The following GRIN2A variants were observed in gnomAD, a reference collection of about 807,000 sequenced individuals.
GRIN2A encodes glutamate receptor ionotropic, NMDA 2A.
A neutral mutation model predicts 113.4 loss-of-function variants in GRIN2A; 22 were observed. The ratio of observed to expected loss-of-function variants is 0.19; its 90% CI spans 0.14 to 0.28. GRIN2A has a LOEUF of 0.28. Among genes scored for constraint, GRIN2A ranks in the 10% least tolerant of loss-of-function variants. The pLI is 1.00. For synonymous variants in GRIN2A, 827 were observed against 738.4 expected (o/e 1.12, Z -1.94); for missense variants, 1,502 against 1,887.0 (o/e 0.80, Z 3.78).
rs560839364 is a variant in GRIN2A, at chr16:9,849,805, C to T, written c.1279G>A (p.Glu427Lys). 6.2e-7 allele frequency: 1 copy of T among 1,614,026 alleles called. No homozygotes were observed. Among genetic ancestry groups the T allele is most frequent in the East Asian group, 2.2e-5 (1 of 44,860 alleles). ...GGCACGGTGTTCCTCACACACGTCT[C>T]GGTCAGGGGGTCTATGTCTTCCACG... The part of the protein sequence containing the change: ...VIVEDIDPLT[E>K]TCVRNTVPCR... The change falls in exon 5 of 13, where the codon GAG (glutamate) becomes AAG (lysine). Residue 427 changes from glutamate to lysine, a missense_variant. This residue lies in a region of GRIN2A where 334 missense variants were observed against 403.0 expected (regional missense o/e 0.83). Transcript: ENST00000330684.
chr16:9,925,487 T>C (rs2044445596), intron 3 of GRIN2A, among the ~76,000 whole-genome samples: 1 of 152,196 alleles, frequency 6.6e-6, no homozygotes, highest in African/African-American at 2.4e-5. Flanking sequence ...TTTTCTCAGG[T>C]ACTCTCTCCT....
intron 2 of GRIN2A, among the ~76,000 whole-genome samples, chr16:10,107,638 A>T (rs2048524571): frequency 6.6e-6 from 1 of 152,188 alleles, no homozygotes; most frequent in Non-Finnish European, 1.5e-5. Flanking sequence ...GGTTTGCAAG[A>T]TCCCTAAAGG....
chr16:10,079,067 A>C (rs2047932383), intron 2 of GRIN2A, among the ~76,000 whole-genome samples: 1 of 152,190 alleles, frequency 6.6e-6, no homozygotes, highest in Admixed American at 6.5e-5. Context: ...GTGAGGACTG[A>C]AGGTCCGAGC....
chr16:9,947,784 ATT>A (rs138992752), intron 2 of GRIN2A, among the ~76,000 whole-genome samples: 2 of 145,152 alleles, frequency 1.4e-5, no homozygotes, highest in Admixed American at 6.9e-5. Flanking sequence ...CCATTTTCTC[ATT>A]TTTTTTTTTA....
intron 2 of GRIN2A, among the ~76,000 whole-genome samples, chr16:9,944,392 A>G (rs1023943216): frequency 3.9e-5 from 6 of 152,224 alleles, no homozygotes; most frequent in Admixed American, 1.3e-4. Context: ...GTCACACTGG[A>G]AAACAACTAC....
At chr16:10,079,616 A>G (rs2047941563) in intron 2 of GRIN2A, among the ~76,000 whole-genome samples, 1 of 152,226 alleles carries the variant, frequency 6.6e-6, no homozygotes, top group Admixed American at 6.5e-5. Flanking sequence ...TTACCAATGA[A>G]GAACAAAACA....
At chr16:9,907,521 G>C (rs199689233) in intron 3 of GRIN2A, among the ~76,000 whole-genome samples, 1 of 152,048 alleles carries the variant, frequency 6.6e-6, no homozygotes, top group Non-Finnish European at 1.5e-5. Context: ...TGATGGAACG[G>C]CTCTGAATCC....
intron 3 of GRIN2A, among the ~76,000 whole-genome samples, chr16:9,915,323 T>C (rs1289081058): frequency 6.6e-6 from 1 of 151,948 alleles, no homozygotes; most frequent in East Asian, 1.9e-4. Context: ...AAGGAACACA[T>C]CAAAACTGGG....
chr16:9,851,585 A>AACATG (rs1187917593), intron 4 of GRIN2A, among the ~76,000 whole-genome samples: 1 of 152,336 alleles, frequency 6.6e-6, no homozygotes, highest in Non-Finnish European at 1.5e-5. Context: ...TTCCTTTTGG[A>AACATG]ACATGTTATA....
In GRIN2A at chr16:10,027,524, A is replaced by G. The variant is rs552895056; in HGVS notation, c.415-88973T>C. ...TGTCTCTCAGTGATTCCATCTAGCC[A>G]TATGCAAAATAAGATGACAAATCCT... On this transcript the variant is annotated intron_variant, in intron 2 of 12. Coordinates refer to ENST00000330684, the MANE Select transcript of GRIN2A (RefSeq NM_001134407.3). 6 of 152,330 alleles carry G rather than the reference A, an allele frequency of 3.9e-5. No individual in the cohort carries two copies. In the South Asian group the frequency reaches 1.2e-3, roughly 32 times the overall value. 9.4% of individuals were successfully genotyped at this position (152,330 alleles called of 1,614,324 possible). A position where few individuals can be genotyped will look rare whatever the true frequency, so the allele number is the denominator to read the frequency against.
At chr16:9,903,693 G>A (rs1226703317) in intron 3 of GRIN2A, among the ~76,000 whole-genome samples, 3 of 152,094 alleles carry the variant, frequency 2.0e-5, no homozygotes, top group East Asian at 1.9e-4. Flanking sequence ...CAGGTTAGAC[G>A]CATCCTCTTC....
rs188111025 is a variant in GRIN2A, at chr16:9,910,520, T to C, written c.1008-19420A>G. On this transcript the variant is annotated intron_variant, in intron 3 of 12. Transcript: ENST00000330684. ...GATTTAAACTCATATTTGAGTCTCATATGAAGTCTCAGAGTTCTTTTTTTT... is the reference window on the plus strand; with the variant it reads ...GATTTAAACTCATATTTGAGTCTCACATGAAGTCTCAGAGTTCTTTTTTTT... Among the ~76,000 whole-genome samples the C allele has an allele frequency of 8.6e-5, 13 of 150,640 alleles. No homozygotes were observed. The East Asian group carries it at 2.5e-3, about 29-fold the overall frequency.
chr16:9,914,997 C>T (rs1384921632), intron 3 of GRIN2A, among the ~76,000 whole-genome samples: 2 of 126,036 alleles, frequency 1.6e-5, no homozygotes, highest in African/African-American at 6.0e-5. Flanking sequence ...AGTGCAGTGG[C>T]GCGATCTCGT....
chr16:9,832,879 A>G (rs997424215), intron 8 of GRIN2A, among the ~76,000 whole-genome samples: 18 of 152,004 alleles, frequency 1.2e-4, no homozygotes, highest in African/African-American at 3.9e-4. Flanking sequence ...CCACTCTTCA[A>G]TGGTGAGGAA....
intron 2 of GRIN2A, among the ~76,000 whole-genome samples, chr16:10,091,103 A>G (rs1596495057): frequency 6.6e-6 from 1 of 152,354 alleles, no homozygotes; most frequent in Non-Finnish European, 1.5e-5. Flanking sequence ...TGGCAATGTG[A>G]TATGGTGCAA....
intron 2 of GRIN2A, among the ~76,000 whole-genome samples, chr16:10,178,629 G>A (rs2050197985): frequency 6.6e-6 from 1 of 152,208 alleles, no homozygotes; most frequent in Non-Finnish European, 1.5e-5. Context: ...CTGCTAGCCT[G>A]CAAATCATTT....
At chr16:10,157,636 T>A (rs2049725358) in intron 2 of GRIN2A, among the ~76,000 whole-genome samples, 1 of 152,132 alleles carries the variant, frequency 6.6e-6, no homozygotes, top group Non-Finnish European at 1.5e-5. Context: ...GACTACCATC[T>A]ATAAAACTAT....
chr16:9,816,230 T>C (rs2042183370), intron 10 of GRIN2A, among the ~76,000 whole-genome samples: 1 of 152,230 alleles, frequency 6.6e-6, no homozygotes, highest in African/African-American at 2.4e-5. Context: ...ACCACTGAAC[T>C]ATACACTTAA....
At chr16:9,964,301 A>G (rs2045507738) in intron 2 of GRIN2A, among the ~76,000 whole-genome samples, 2 of 152,226 alleles carry the variant, frequency 1.3e-5, no homozygotes, top group Non-Finnish European at 2.9e-5. Context: ...CTACCACTTG[A>G]TAAATATGGG....
Sources: gnomAD v4.1 joint callset for allele counts (sites outside exome capture counted in the v4.1 genomes callset) on GRCh38, gnomAD v4.1.1 for gene constraint, gnomAD v4.1.1 regional missense constraint, MANE v1.5 for transcripts, NCBI Gene and HGNC (gene_info 2026-07-23, HGNC 2026-07-21) for gene names.